CPQ: variants seen among roughly 807,000 people sequenced by gnomAD.
The protein encoded by CPQ is carboxypeptidase Q.
CPQ carries 37 observed loss-of-function variants against 45.7 expected under a neutral mutation model. The ratio of observed to expected loss-of-function variants is 0.81; its 90% CI spans 0.62 to 1.07. The LOEUF (loss-of-function observed/expected upper bound fraction) is 1.07, where lower values mean the gene tolerates loss of function less well. Among genes scored for constraint, CPQ ranks in the 50% least tolerant of loss-of-function variants. The pLI is 0.00. For synonymous variants in CPQ, 186 were observed against 205.8 expected (o/e 0.90, Z 0.82); for missense variants, 537 against 572.9 (o/e 0.94, Z 0.64).
intron 1 of CPQ, among the ~76,000 whole-genome samples, chr8:96,688,384 G>A (rs553818544): frequency 3.3e-5 from 5 of 152,010 alleles, no homozygotes; most frequent in Non-Finnish European, 7.4e-5. Context: ...TTTGCTTTGA[G>A]GCCCACCTCA....
At chr8:96,932,904 T>C (rs1165965013) in intron 4 of CPQ, among the ~76,000 whole-genome samples, 1 of 152,212 alleles carries the variant, frequency 6.6e-6, no homozygotes, top group Non-Finnish European at 1.5e-5. Context: ...TTGGGTTTAA[T>C]GCTGTGATTC....
intron 1 of CPQ, among the ~76,000 whole-genome samples, chr8:96,686,018 T>C (rs1409732150): frequency 6.6e-6 from 1 of 152,152 alleles, no homozygotes; most frequent in African/African-American, 2.4e-5. Flanking sequence ...ATTTGCGTTG[T>C]TTGTATGTAT....
chr8:96,730,895 A>C (rs1586376918), intron 1 of CPQ, among the ~76,000 whole-genome samples: 1 of 122,342 alleles, frequency 8.2e-6, no homozygotes, highest in East Asian at 2.5e-4. Context: ...ATATATATGC[A>C]TTTTTTTTTA....
rs1481172279 is a variant in CPQ at position 97,093,289 on chromosome 8, C to T, written c.1255+27079C>T. On this transcript the variant is annotated intron_variant, in intron 7 of 7. Transcript: ENST00000220763. ...TTTTTCAAAGAACTTAAAACAGGAC[C>T]TACCACTTGACCCAGCAAATGCTGT... Among the ~76,000 whole-genome samples the T allele has an allele frequency of 3.3e-5, 5 of 152,114 alleles. No individual in the cohort carries two copies. The South Asian group carries it at 8.3e-4, about 25-fold the overall frequency.
intron 4 of CPQ, among the ~76,000 whole-genome samples, chr8:96,903,857 C>T (rs1015402669): frequency 6.6e-6 from 1 of 152,182 alleles, no homozygotes; most frequent in Non-Finnish European, 1.5e-5. Flanking sequence ...ATGAGAGCAT[C>T]TTATTCATTT....
chr8:96,699,079 A>G (rs1014396692), intron 1 of CPQ, among the ~76,000 whole-genome samples: 1 of 152,278 alleles, frequency 6.6e-6, no homozygotes, highest in Admixed American at 6.5e-5. Flanking sequence ...TTGGGAGCAA[A>G]CTAAGTGTCC....
At chr8:96,751,166 C>T (rs768605687) in intron 1 of CPQ, among the ~76,000 whole-genome samples, 23 of 152,002 alleles carry the variant, frequency 1.5e-4, no homozygotes, top group African/African-American at 2.7e-4. Flanking sequence ...ATGGGATTGC[C>T]GGATCAAATG....
At chr8:97,061,001 G>A (rs1036163221) in intron 6 of CPQ, among the ~76,000 whole-genome samples, 9 of 152,106 alleles carry the variant, frequency 5.9e-5, no homozygotes, top group Admixed American at 2.6e-4. Context: ...TGTCATGGAC[G>A]GTGGGTAGTT....
chr8:96,869,103 C>G (rs1812032409), intron 3 of CPQ, among the ~76,000 whole-genome samples: 1 of 151,910 alleles, frequency 6.6e-6, no homozygotes, highest in Non-Finnish European at 1.5e-5. Flanking sequence ...AATTGATGAG[C>G]TACAAATTAA....
rs566248756 is a variant in CPQ, at chr8:96,799,574, C to T, written c.433+14244C>T. On this transcript the variant is annotated intron_variant, in intron 2 of 7. Coordinates refer to ENST00000220763, the MANE Select transcript of CPQ (RefSeq NM_016134.4). ...AAATTGGCGGTATGGGATCAGTTGA[C>T]GGATCTGACTACAAAGTGTCAGAGG... 6.6e-5 allele frequency among the ~76,000 whole-genome samples: 10 copies of T among 152,174 alleles called. 1 individual carries two copies. The highest frequency in any genetic ancestry group is 4.1e-4 in the South Asian group (2 of 4,822).
intron 4 of CPQ, among the ~76,000 whole-genome samples, chr8:96,895,700 T>C (rs1812433955): frequency 6.6e-6 from 1 of 152,190 alleles, no homozygotes; most frequent in Non-Finnish European, 1.5e-5. Flanking sequence ...GATTCTGAGA[T>C]GACCACTGTG....
At chr8:96,691,636 T>C (rs537733665) in intron 1 of CPQ, among the ~76,000 whole-genome samples, 1 of 152,298 alleles carries the variant, frequency 6.6e-6, no homozygotes, top group Admixed American at 6.5e-5. Context: ...AGATCTACAT[T>C]TGGACAATAA....
chr8:96,935,647 G>A (rs1235637648), intron 4 of CPQ, among the ~76,000 whole-genome samples: 1 of 152,170 alleles, frequency 6.6e-6, no homozygotes, highest in African/African-American at 2.4e-5. Flanking sequence ...GTGAAGGACT[G>A]TACGTGTTTT....
intron 3 of CPQ, among the ~76,000 whole-genome samples, chr8:96,858,477 C>T (rs1422675695): frequency 6.6e-6 from 1 of 152,156 alleles, no homozygotes; most frequent in Non-Finnish European, 1.5e-5. Context: ...TTTGTTTTCC[C>T]TACCCAACTG....
intron 4 of CPQ, among the ~76,000 whole-genome samples, chr8:96,890,464 A>G (rs996780139): frequency 2.4e-4 from 36 of 152,276 alleles, no homozygotes; most frequent in African/African-American, 8.2e-4. Context: ...GGTCTGGGCC[A>G]TTTGTAGTCA....
chr8:97,123,211 T>TAAAATAAAA (rs1811784033), intron 7 of CPQ, among the ~76,000 whole-genome samples: 1 of 67,818 alleles, frequency 1.5e-5, no homozygotes, highest in Non-Finnish European at 2.9e-5. Flanking sequence ...AAATAAAAAA[T>TAAAATAAAA]AAAATAAAAT....
chr8:97,044,263 C>A (rs1189017933), intron 6 of CPQ, among the ~76,000 whole-genome samples: 1 of 152,166 alleles, frequency 6.6e-6, no homozygotes, highest in Non-Finnish European at 1.5e-5. Context: ...CCCTTTCTTC[C>A]AGTTGATTGC....
intron 1 of CPQ, among the ~76,000 whole-genome samples, chr8:96,758,958 TG>T (rs1489878072): frequency 5.9e-5 from 9 of 152,128 alleles, no homozygotes; most frequent in African/African-American, 2.2e-4. Flanking sequence ...AGCTTAATGA[TG>T]GGGATAGAAG....
chr8:96,735,860 C>T (rs1809975512), intron 1 of CPQ, among the ~76,000 whole-genome samples: 1 of 152,116 alleles, frequency 6.6e-6, no homozygotes, highest in South Asian at 2.1e-4. Context: ...CTTGTCCACA[C>T]AAAGAGGATG....
Sources: allele counts gnomAD v4.1 joint callset (sites outside exome capture counted in the v4.1 genomes callset), GRCh38; gene constraint gnomAD v4.1.1; transcripts MANE v1.5; gene names NCBI Gene and HGNC (gene_info 2026-07-23, HGNC 2026-07-21).